The following ITPR1 variants were observed in gnomAD, a reference collection of about 807,000 sequenced individuals.
ITPR1 encodes inositol 1,4,5-trisphosphate-gated calcium channel ITPR1.
A neutral mutation model predicts 318.4 loss-of-function variants in ITPR1; 96 were observed. That is an observed-to-expected ratio of 0.30 (90% CI 0.26 to 0.36). ITPR1 has a LOEUF of 0.36. Among genes scored for constraint, ITPR1 ranks in the 10% least tolerant of loss-of-function variants. ITPR1 has a pLI of 1.00. For missense variants in ITPR1, 2,440 were observed against 3,460.2 expected (o/e 0.71, Z 7.40); for synonymous variants, 1,312 against 1,289.9 (o/e 1.02, Z -0.37).
chr3:4,561,327 A>G (rs1205575864), intron 4 of ITPR1, among the ~76,000 whole-genome samples: 1 of 152,202 alleles, frequency 6.6e-6, no homozygotes, highest in Non-Finnish European at 1.5e-5. Flanking sequence ...GTACTGTCCT[A>G]AAAATATACG....
rs116461325 is a variant in ITPR1, at chr3:4,668,132, C to T, written c.1886+583C>T. Among the ~76,000 whole-genome samples, 1,086 of 151,764 alleles carry T rather than the reference C, an allele frequency of 7.2e-3. 19 individuals are homozygous for T. The highest frequency in any genetic ancestry group is 0.025 in the African/African-American group (1,047 of 41,392). ...ATTAAATTATTGACTGTAATTACCC[C>T]ATTTACCTACAAACAGTAGGTCTTA... is the stretch of plus-strand genomic sequence containing the variant. On this transcript the variant is annotated intron_variant, in intron 18 of 61. Transcript: ENST00000649015.
At chr3:4,832,526 G>T (rs2050589917) in intron 60 of ITPR1, among the ~76,000 whole-genome samples, 1 of 152,118 alleles carries the variant, frequency 6.6e-6, no homozygotes, top group Non-Finnish European at 1.5e-5. Context: ...AGCTACTTAG[G>T]AAGCTGAGGC....
intron 41 of ITPR1, among the ~76,000 whole-genome samples, chr3:4,726,333 G>T: frequency 8.3e-6 from 1 of 119,886 alleles, no homozygotes; most frequent in Non-Finnish European, 1.9e-5. Flanking sequence ...CCCAGCCTAT[G>T]ATGCAGTTAA....
chr3:4,513,718 C>T (rs9866278), intron 2 of ITPR1, among the ~76,000 whole-genome samples: 3,524 of 152,176 alleles, frequency 0.023, 126 homozygotes, highest in African/African-American at 0.08. Context: ...CATAATCATC[C>T]GGAGTATAAG....
In ITPR1 at chr3:4,846,062, G is replaced by C. The variant is rs548077450; in HGVS notation, c.8191-77G>C. The C allele has an allele frequency of 2.0e-5, 16 of 807,762 alleles. No homozygotes were observed. In the South Asian group the frequency reaches 3.0e-4, roughly 15 times the overall value. 50.0% of individuals were successfully genotyped at this position (807,762 alleles called of 1,614,324 possible). On this transcript the variant is annotated intron_variant, in intron 61 of 61. Coordinates refer to ENST00000649015, the MANE Select transcript of ITPR1 (RefSeq NM_001378452.1). The stretch of plus-strand genomic sequence containing the variant: ...TTCAGTATAAACCATAACCACAGAG[G>C]TAAATCTATGGTTCAGTATGCGATT...
At chr3:4,675,027 T>C in intron 22 of ITPR1, 41 bp from the exon 23 acceptor site, 1 of 1,152,392 alleles carries the variant, frequency 8.7e-7, no homozygotes, top group Non-Finnish European at 1.3e-6. Flanking sequence ...GGGGATGCAG[T>C]TTATGTAATA....
At chr3:4,803,532 G>A (rs894275148) in intron 54 of ITPR1, among the ~76,000 whole-genome samples, 7 of 152,174 alleles carry the variant, frequency 4.6e-5, no homozygotes, top group Non-Finnish European at 1.0e-4. Flanking sequence ...CGTGAGCTGC[G>A]GCATTTGGAA....
chr3:4,599,596 T>C (rs1276328957), intron 4 of ITPR1, among the ~76,000 whole-genome samples: 2 of 152,190 alleles, frequency 1.3e-5, no homozygotes, highest in East Asian at 1.9e-4. Context: ...CTGTAGGCAG[T>C]TGGGTTTGTG....
At chr3:4,793,260 G>A (rs150991089) in intron 52 of ITPR1, among the ~76,000 whole-genome samples, 21 of 152,288 alleles carry the variant, frequency 1.4e-4, no homozygotes, top group East Asian at 5.8e-4. Context: ...TCATATTAGC[G>A]TATCCTGCAG....
chr3:4,698,748 A>C (rs1281550143), intron 34 of ITPR1, among the ~76,000 whole-genome samples: 5 of 152,234 alleles, frequency 3.3e-5, no homozygotes, highest in Admixed American at 6.5e-5. Context: ...TTTTAAGGTG[A>C]GAACATGAGA....
At position 4,734,692 on chromosome 3, in the gene ITPR1, A is replaced by C. The variant is rs572533197; in HGVS notation, c.5354-472A>C. On this transcript the variant is annotated intron_variant, in intron 43 of 61. Transcript: ENST00000649015. ...TGAGCAAACATTTGTTGAATGAATAAACAGATAAATTATGTAAAAGAGTAA... is the reference window on the plus strand; with the variant it reads ...TGAGCAAACATTTGTTGAATGAATACACAGATAAATTATGTAAAAGAGTAA... Among the ~76,000 whole-genome samples, 5 of 152,380 alleles carry C rather than the reference A, an allele frequency of 3.3e-5. No homozygotes were observed. The South Asian group carries it at 1.0e-3, about 32-fold the overall frequency.
chr3:4,697,699 A>G (rs2094582827), intron 34 of ITPR1, among the ~76,000 whole-genome samples: 2 of 151,568 alleles, frequency 1.3e-5, no homozygotes, highest in African/African-American at 4.8e-5. Context: ...TGATCTGCCC[A>G]CCTCAGCCTC....
chr3:4,715,684 C>A (rs2041714528), intron 39 of ITPR1, among the ~76,000 whole-genome samples: 2 of 152,164 alleles, frequency 1.3e-5, no homozygotes, highest in South Asian at 4.1e-4. Context: ...GAAACCCCGT[C>A]TCTACTAAAA....
Position 4,644,240 on chromosome 3 carries a change from G to T in ITPR1, c.624+6G>T, listed in dbSNP as rs776249128. 6.3e-7 allele frequency: 1 copy of T among 1,587,446 alleles called. No homozygotes were observed. Among genetic ancestry groups the T allele is most frequent in the East Asian group, 2.3e-5 (1 of 44,264 alleles). The stretch of plus-strand genomic sequence containing the variant: ...ATAACCCAGGCTGCAATGAGGTAAG[G>T]ACATTGAGTTATGTGTGTGGGTGTG... On this transcript the variant is annotated splice_donor_region_variant and intron_variant, in intron 8 of 61. Coordinates refer to ENST00000649015, the MANE Select transcript of ITPR1 (RefSeq NM_001378452.1).
chr3:4,558,203 C>A (rs1215394073), intron 4 of ITPR1, among the ~76,000 whole-genome samples: 1 of 151,962 alleles, frequency 6.6e-6, no homozygotes, highest in Non-Finnish European at 1.5e-5. Context: ...ATACAGCTAC[C>A]CAATAGAATG....
rs938912192 is a variant in ITPR1 at position 4,846,516 on chromosome 3, A to G, written c.*291A>G. The G allele has an allele frequency of 6.3e-5, 15 of 236,956 alleles. No individual in the cohort carries two copies. Among genetic ancestry groups the G allele is most frequent in the Admixed American group, 1.7e-4 (3 of 18,104 alleles). 14.7% of individuals were successfully genotyped at this position (236,956 alleles called of 1,614,324 possible). The stretch of plus-strand genomic sequence containing the variant: ...GCACTTGAACCAGATTATAGATTTA[A>G]AAGTATATGACATGTATTTTGTATT... On this transcript the variant is annotated 3_prime_UTR_variant, in exon 62 of 62. Transcript: ENST00000649015.
chr3:4,805,934 G>T (rs1395890725), intron 54 of ITPR1, among the ~76,000 whole-genome samples, 169 bp from the exon 55 acceptor site: 2 of 152,206 alleles, frequency 1.3e-5, no homozygotes, highest in African/African-American at 2.4e-5. Flanking sequence ...GTAATGAAAT[G>T]ACTTAGATCT....
At chr3:4,682,256 C>A (rs544730076) in intron 26 of ITPR1, among the ~76,000 whole-genome samples, 28 of 152,242 alleles carry the variant, frequency 1.8e-4, no homozygotes, top group Non-Finnish European at 3.7e-4. Flanking sequence ...AGCAGAGATG[C>A]CTGCAAGGCC....
At chr3:4,738,134 A>T (rs2043412408) in intron 44 of ITPR1, among the ~76,000 whole-genome samples, 1 of 152,188 alleles carries the variant, frequency 6.6e-6, no homozygotes, top group Non-Finnish European at 1.5e-5. Context: ...CAGAGTGGTG[A>T]AGCAATCTAT....
Sources: gnomAD v4.1 joint callset for allele counts (sites outside exome capture counted in the v4.1 genomes callset) on GRCh38, gnomAD v4.1.1 for gene constraint, MANE v1.5 for transcripts, NCBI Gene and HGNC (gene_info 2026-07-23, HGNC 2026-07-21) for gene names.